CORO1C: variants seen among roughly 807,000 people sequenced by gnomAD.
The protein encoded by CORO1C is coronin-1C.
Under a neutral mutation model 51.2 loss-of-function variants are expected in CORO1C, and 14 were observed. The observed-to-expected ratio is 0.27, with a 90% confidence interval of 0.18 to 0.43. CORO1C has a LOEUF of 0.43. CORO1C is among the 20% of genes least tolerant of loss of function. CORO1C has a pLI of 1.00. For synonymous variants in CORO1C, 181 were observed against 210.5 expected, an observed-to-expected ratio of 0.86 and a Z score of 1.21; for missense variants, 417 against 607.8, an observed-to-expected ratio of 0.69 and a Z score of 3.30.
intron 4 of CORO1C, among the ~76,000 whole-genome samples, chr12:108,660,828 G>A (rs1453259601): frequency 6.6e-6 from 1 of 152,100 alleles, no homozygotes; most frequent in Non-Finnish European, 1.5e-5. Context: ...AAGTATAGTC[G>A]ATGGTGATTA....
intron 7 of CORO1C, among the ~76,000 whole-genome samples, chr12:108,653,942 C>G (rs1329974015): frequency 6.6e-6 from 1 of 152,230 alleles, no homozygotes; most frequent in African/African-American, 2.4e-5. Flanking sequence ...CCATCCCTGA[C>G]ATAAGTACAG....
Position 108,662,099 on chromosome 12 carries a change from CA to C in CORO1C, c.377del (p.Leu126TrpfsTer42). The C allele has an allele frequency of 6.2e-7, 1 of 1,613,962 alleles. No homozygotes were observed. The highest frequency in any genetic ancestry group is 8.5e-7 in the Non-Finnish European group (1 of 1,179,872). On this transcript the variant is annotated frameshift_variant, in exon 4 of 11. Transcript: ENST00000261401. LOFTEE classifies it high-confidence loss of function. ...TLSLTEPVVI[L>X]EGHSKRVGIV... is the part of the protein sequence containing the mutation. ...TGCCGACTCTCTTTGAGTGGCCTTCCAAAATCACCACAGGTTCAGTCAGGGA... is the reference window on the plus strand; with the variant it reads ...TGCCGACTCTCTTTGAGTGGCCTTCCAAATCACCACAGGTTCAGTCAGGGA...
chr12:108,676,418 G>A (rs1417333063), intron 3 of CORO1C, among the ~76,000 whole-genome samples: 2 of 152,106 alleles, frequency 1.3e-5, no homozygotes, highest in African/African-American at 4.8e-5. Context: ...TAGAGACAGG[G>A]AGAGCCAGAG....
rs1241976210 is a variant in CORO1C, at chr12:108,652,374, G to A, written c.899C>T (p.Pro300Leu). ...GAATGTGTTGAGGTAGTGGACGTAC[G>A]GGGATTCATCCGTGATCTCAAAATA... ...IRYFEITDES[P>L]YVHYLNTFSS... Residue 300 changes from proline (P) to leucine (L), a missense_variant, in exon 8 of 11, where the codon CCG becomes CTG. Coordinates refer to ENST00000261401, the MANE Select transcript of CORO1C (RefSeq NM_014325.4). 3 of 1,613,450 alleles carry A rather than the reference G, an allele frequency of 1.9e-6. No homozygotes were observed. The highest frequency in any genetic ancestry group is 1.7e-6 in the Non-Finnish European group (2 of 1,179,542).
intron 2 of CORO1C, among the ~76,000 whole-genome samples, chr12:108,693,427 G>A (rs1019364472): frequency 3.9e-5 from 6 of 152,078 alleles, no homozygotes; most frequent in Admixed American, 3.3e-4. Context: ...TGATACAAAC[G>A]AAAGACGCCA....
intron 5 of CORO1C, among the ~76,000 whole-genome samples, chr12:108,657,688 CAA>C (rs1312561326): frequency 2.6e-5 from 4 of 152,168 alleles, no homozygotes; most frequent in African/African-American, 9.7e-5. Flanking sequence ...GCTGCCAACC[CAA>C]GTCTATGCAC....
intron 2 of CORO1C, among the ~76,000 whole-genome samples, chr12:108,690,120 C>CA (rs1339567738): frequency 1.3e-5 from 2 of 152,160 alleles, no homozygotes; most frequent in Admixed American, 1.3e-4. Context: ...GACAAGGGGA[C>CA]AGCGGCATGG....
At chr12:108,729,018 G>A (rs1367618993) in intron 1 of CORO1C, among the ~76,000 whole-genome samples, 1 of 152,114 alleles carries the variant, frequency 6.6e-6, no homozygotes, top group African/African-American at 2.4e-5. Context: ...TTAATAATAT[G>A]TTTCTAAAGT....
intron 2 of CORO1C, among the ~76,000 whole-genome samples, chr12:108,698,939 G>T (rs7313667): frequency 0.26 from 38,852 of 152,050 alleles, 6,340 homozygotes; most frequent in Non-Finnish European, 0.37. Flanking sequence ...TGAACCTATC[G>T]ACTATAGAAA....
chr12:108,705,959 G>C (rs971679329), intron 1 of CORO1C, among the ~76,000 whole-genome samples: 2 of 152,136 alleles, frequency 1.3e-5, no homozygotes, highest in African/African-American at 4.8e-5. Context: ...GGCTGAGGCA[G>C]GGGGATCACT....
At chr12:108,721,786 G>A (rs1347433485) in intron 1 of CORO1C, among the ~76,000 whole-genome samples, 1 of 152,032 alleles carries the variant, frequency 6.6e-6, no homozygotes, top group Non-Finnish European at 1.5e-5. Flanking sequence ...CGAGTGCCCA[G>A]CTCTGGCCAT....
intron 3 of CORO1C, among the ~76,000 whole-genome samples, chr12:108,671,056 G>A (rs2033697705): frequency 6.6e-6 from 1 of 151,988 alleles, no homozygotes; most frequent in African/African-American, 2.4e-5. Context: ...TTTAGGGCCT[G>A]GCATGGTGGC....
intron 1 of CORO1C, among the ~76,000 whole-genome samples, chr12:108,728,411 C>A (rs2035640528): frequency 6.6e-6 from 1 of 151,018 alleles, no homozygotes; most frequent in Non-Finnish European, 1.5e-5. Context: ...TAAATAAGGG[C>A]AAGACACAAA....
intron 1 of CORO1C, among the ~76,000 whole-genome samples, chr12:108,723,668 A>C (rs1430621406): frequency 6.6e-6 from 1 of 152,222 alleles, no homozygotes; most frequent in Non-Finnish European, 1.5e-5. Context: ...CCAGACTTGC[A>C]GTCTGTCTTG....
chr12:108,722,558 G>A (rs1013572557), intron 1 of CORO1C, among the ~76,000 whole-genome samples: 1 of 152,182 alleles, frequency 6.6e-6, no homozygotes, highest in Non-Finnish European at 1.5e-5. Flanking sequence ...TTCAAAAACT[G>A]CTGTGAATTA....
intron 6 of CORO1C, among the ~76,000 whole-genome samples, chr12:108,656,834 C>CAGAT (rs2033041973): frequency 6.6e-6 from 1 of 152,188 alleles, no homozygotes; most frequent in African/African-American, 2.4e-5. Flanking sequence ...CTTTGTTGAA[C>CAGAT]AGATGCTTGA....
At chr12:108,705,944 T>C (rs1205393945) in intron 1 of CORO1C, among the ~76,000 whole-genome samples, 3 of 152,094 alleles carry the variant, frequency 2.0e-5, no homozygotes, top group South Asian at 4.1e-4. Context: ...CCCAACACTT[T>C]GGGAGGCTGA....
chr12:108,720,254 A>G (rs185351992), intron 1 of CORO1C, among the ~76,000 whole-genome samples: 40 of 152,308 alleles, frequency 2.6e-4, no homozygotes, highest in African/African-American at 9.6e-4. Context: ...ATACAGCCAT[A>G]AGAAACCCAT....
chr12:108,714,761 A>T (rs759233826), intron 1 of CORO1C, among the ~76,000 whole-genome samples: 3 of 152,050 alleles, frequency 2.0e-5, no homozygotes, highest in Non-Finnish European at 4.4e-5. Flanking sequence ...ATACCCAAAA[A>T]AAATAAAAAT....
Sources: allele counts gnomAD v4.1 joint callset (sites outside exome capture counted in the v4.1 genomes callset), GRCh38; gene constraint gnomAD v4.1.1; transcripts MANE v1.5; gene names NCBI Gene and HGNC (gene_info 2026-07-23, HGNC 2026-07-21).